Variants in CDH20 observed in about 807,000 individuals in gnomAD.
CDH20 encodes the protein cadherin 20, also known as cadherin-20.
A neutral mutation model predicts 74.2 loss-of-function variants in CDH20; 29 were observed. The observed-to-expected ratio is 0.39, with a 90% CI of 0.29 to 0.53. CDH20 has a LOEUF of 0.53. Ranked by LOEUF, CDH20 falls within the 20% of genes least tolerant of loss-of-function variation. CDH20 has a pLI of 0.69. For missense variants in CDH20, 988 were observed against 1,048.3 expected, an observed-to-expected ratio of 0.94 and a Z score of 0.79; for synonymous variants, 469 against 405.4, an observed-to-expected ratio of 1.16 and a Z score of -1.88.
At position 61,353,048 on chromosome 18, in the gene CDH20, C is replaced by A. The variant is rs1176504890; in HGVS notation, c.-153+19221C>A. Among the ~76,000 whole-genome samples the A allele has an allele frequency of 6.6e-6, 1 of 152,206 alleles. No individual in the cohort carries two copies. Among genetic ancestry groups the A allele is most frequent in the Admixed American group, 6.5e-5 (1 of 15,274 alleles). On this transcript the variant is annotated intron_variant, in intron 1 of 11. Transcript: ENST00000262717. This position sits in a 1 kb window ranked among gnomAD's most constrained non-coding sequence, Gnocchi z 4.6. ...CCCAGTCAGCCTCTTCTCTAGCAAC[C>A]TTCACATGCTGTCCATAGCTTCTAT...
intron 1 of CDH20, among the ~76,000 whole-genome samples, chr18:61,404,489 A>G (rs758644806): frequency 2.9e-4 from 44 of 152,290 alleles, no homozygotes; most frequent in Admixed American, 7.8e-4. Context: ...ACTCCCACAT[A>G]TAGAAATCCA....
chr18:61,478,198 C>CA (rs56057785), intron 1 of CDH20, among the ~76,000 whole-genome samples: 5,918 of 104,004 alleles, frequency 0.057, 147 homozygotes, highest in Middle Eastern at 0.082. Context: ...GACTCTGTCT[C>CA]AAAAAAAAAA....
At chr18:61,513,666 C>A (rs1237177) in intron 6 of CDH20, among the ~76,000 whole-genome samples, 6,579 of 152,224 alleles carry the variant, frequency 0.043, 200 homozygotes, top group African/African-American at 0.076. Context: ...TTTAGCGCTT[C>A]CTTCAGGAGC....
intron 6 of CDH20, among the ~76,000 whole-genome samples, chr18:61,514,532 G>A (rs1255839546): frequency 4.9e-4 from 74 of 151,918 alleles, no homozygotes; most frequent in African/African-American, 1.5e-3. Flanking sequence ...GCTTTGTTCC[G>A]TTGCTGGTGA....
At chr18:61,355,919 C>G (rs1279442951) in intron 1 of CDH20, among the ~76,000 whole-genome samples, 1 of 152,122 alleles carries the variant, frequency 6.6e-6, no homozygotes, top group Non-Finnish European at 1.5e-5. Flanking sequence ...TAAACTGAAA[C>G]CAGAGGAGAG....
At position 61,555,084 on chromosome 18, in the gene CDH20, ACT is replaced by A; in HGVS notation, c.*393_*394del. ...ATGCCAATTGAAAGCAGAAAGTTCT[ACT>A]CTCGTATCTGTTTTTTATCTTATCT... On this transcript the variant is annotated 3_prime_UTR_variant, in exon 12 of 12. Coordinates refer to ENST00000262717, the MANE Select transcript of CDH20 (RefSeq NM_031891.4). 1 of 1,042,962 alleles carries A rather than the reference ACT, an allele frequency of 9.6e-7. No individual in the cohort carries two copies. Among genetic ancestry groups the A allele is most frequent in the Non-Finnish European group, 1.2e-6 (1 of 867,116 alleles). The allele number at this position is 1,042,962 out of a possible 1,614,324, so 64.6% of individuals were successfully genotyped here. A position where few individuals can be genotyped will look rare whatever the true frequency, so the allele number is the denominator to read the frequency against.
intron 5 of CDH20, among the ~76,000 whole-genome samples, chr18:61,504,936 C>G (rs1911508035): frequency 6.6e-6 from 1 of 151,852 alleles, no homozygotes; most frequent in African/African-American, 2.4e-5. Flanking sequence ...AACTAAGTTC[C>G]TAAGTTGCTT....
intron 2 of CDH20, among the ~76,000 whole-genome samples, chr18:61,497,047 G>A (rs1353952014): frequency 6.8e-6 from 1 of 147,510 alleles, no homozygotes; most frequent in Non-Finnish European, 1.5e-5. Flanking sequence ...CAAGAGATGG[G>A]CACCTCTACT....
chr18:61,399,570 C>T (rs978051094), intron 1 of CDH20, among the ~76,000 whole-genome samples: 3 of 152,132 alleles, frequency 2.0e-5, no homozygotes, highest in Non-Finnish European at 2.9e-5. Context: ...GGAAAACATA[C>T]TACTGCCATT....
At chr18:61,546,186 G>A (rs967060435) in intron 10 of CDH20, among the ~76,000 whole-genome samples, 4 of 152,144 alleles carry the variant, frequency 2.6e-5, no homozygotes, top group Non-Finnish European at 5.9e-5. Flanking sequence ...ATTAATTGCC[G>A]CTTTGTAAAA....
intron 1 of CDH20, among the ~76,000 whole-genome samples, chr18:61,461,984 G>T (rs533235068): frequency 4.6e-5 from 7 of 152,292 alleles, no homozygotes; most frequent in Non-Finnish European, 7.4e-5. Context: ...TTCAGAGGCT[G>T]CAGTGAAGTT....
intron 1 of CDH20, among the ~76,000 whole-genome samples, chr18:61,453,404 A>G (rs1414597739): frequency 2.6e-5 from 4 of 151,900 alleles, no homozygotes; most frequent in African/African-American, 9.7e-5. Context: ...CAGCCTCCCA[A>G]ATAGTTGGGA....
chr18:61,410,493 T>C (rs985642892), intron 1 of CDH20, among the ~76,000 whole-genome samples: 4 of 152,162 alleles, frequency 2.6e-5, no homozygotes, highest in Non-Finnish European at 4.4e-5. Context: ...CCCAAATCAA[T>C]TTGACCCAAC....
At chr18:61,345,745 A>G (rs1245298331) in intron 1 of CDH20, among the ~76,000 whole-genome samples, 1 of 152,204 alleles carries the variant, frequency 6.6e-6, no homozygotes, top group Non-Finnish European at 1.5e-5. Context: ...GTCTTAATGA[A>G]TCATGGGAAA....
intron 4 of CDH20, 100 bp from the exon 5 acceptor site, chr18:61,502,853 C>A (rs958076242): frequency 2.1e-5 from 20 of 946,496 alleles, no homozygotes; most frequent in Non-Finnish European, 3.1e-5. Flanking sequence ...CACCTCACTT[C>A]TAGGCATTAA....
intron 1 of CDH20, among the ~76,000 whole-genome samples, chr18:61,374,242 C>T (rs1422384426): frequency 1.3e-5 from 2 of 152,094 alleles, no homozygotes; most frequent in Non-Finnish European, 2.9e-5. Context: ...GTCTTGTCAA[C>T]ACTTTCTGAG....
chr18:61,358,481 T>C (rs1910574489), intron 1 of CDH20, among the ~76,000 whole-genome samples: 1 of 152,178 alleles, frequency 6.6e-6, no homozygotes, highest in Non-Finnish European at 1.5e-5. Flanking sequence ...TTTTTCTTTA[T>C]GTGCTTCTCT....
chr18:61,377,127 A>G (rs1374065574), intron 1 of CDH20, among the ~76,000 whole-genome samples: 1 of 152,138 alleles, frequency 6.6e-6, no homozygotes, highest in Non-Finnish European at 1.5e-5. Context: ...AAACTGATTC[A>G]TCCCCATTGC....
At chr18:61,414,286 T>C (rs1401679113) in intron 1 of CDH20, among the ~76,000 whole-genome samples, 1 of 151,936 alleles carries the variant, frequency 6.6e-6, no homozygotes, top group Non-Finnish European at 1.5e-5. Context: ...GATCTCAGAG[T>C]CTTGTTACAT....
Sources: gnomAD v4.1 joint callset for allele counts (sites outside exome capture counted in the v4.1 genomes callset) on GRCh38, gnomAD v4.1.1 for gene constraint, Gnocchi (gnomAD v3.1) non-coding constraint, MANE v1.5 for transcripts, NCBI Gene and HGNC (gene_info 2026-07-23, HGNC 2026-07-21) for gene names.